SULF2: variants seen among roughly 807,000 people sequenced by gnomAD.
SULF2 encodes the protein extracellular sulfatase Sulf-2.
In SULF2, 52 loss-of-function variants were observed where a neutral mutation model predicts 107.7. The ratio of observed to expected loss-of-function variants is 0.48; its 90% CI spans 0.39 to 0.61. The LOEUF is 0.61. Ranked by LOEUF, SULF2 falls within the 20% of genes least tolerant of loss-of-function variation. SULF2 has a pLI of 0.00. For missense variants in SULF2, 993 were observed against 1,177.3 expected (o/e 0.84, Z 2.29); for synonymous variants, 460 against 464.3 (o/e 0.99, Z 0.12).
intron 11 of SULF2, among the ~76,000 whole-genome samples, chr20:47,667,798 A>T (rs1388000602): frequency 1.3e-5 from 2 of 152,180 alleles, no homozygotes; most frequent in Non-Finnish European, 1.5e-5. Context: ...GTGACCAAAG[A>T]GGACCAGCTG....
chr20:47,709,570 T>C (rs2088857707), intron 3 of SULF2, among the ~76,000 whole-genome samples: 1 of 152,158 alleles, frequency 6.6e-6, no homozygotes, highest in Non-Finnish European at 1.5e-5. Context: ...CCCCTGGTGA[T>C]CATGCACAAA....
intron 1 of SULF2, among the ~76,000 whole-genome samples, chr20:47,759,747 A>C (rs2146920075): frequency 6.6e-6 from 1 of 152,322 alleles, no homozygotes; most frequent in South Asian, 2.1e-4. Context: ...TCTTTCTGTC[A>C]AAAGAACAAA....
At chr20:47,730,356 T>G (rs1461124333) in intron 3 of SULF2, among the ~76,000 whole-genome samples, 1 of 152,206 alleles carries the variant, frequency 6.6e-6, no homozygotes, top group South Asian at 2.1e-4. Flanking sequence ...AACTGCCAGA[T>G]TCAGGTGTGG....
chr20:47,714,801 C>G (rs1202776409), intron 3 of SULF2, among the ~76,000 whole-genome samples: 1 of 152,236 alleles, frequency 6.6e-6, no homozygotes, highest in Non-Finnish European at 1.5e-5. Flanking sequence ...ACCAGCACCC[C>G]AACCCCAAAG....
At chr20:47,747,485 A>G (rs990139268) in intron 2 of SULF2, among the ~76,000 whole-genome samples, 5 of 152,132 alleles carry the variant, frequency 3.3e-5, no homozygotes, top group Admixed American at 6.5e-5. Context: ...GGGAAAGGGC[A>G]GGGCTTGGGT....
chr20:47,677,773 T>G, intron 8 of SULF2: 1 of 153,328 alleles, frequency 6.5e-6, no homozygotes, highest in Non-Finnish European at 1.5e-5. Context: ...CCAGGTGTCC[T>G]GGCTCCCAGG....
chr20:47,696,294 T>G (rs2088373025), intron 4 of SULF2, among the ~76,000 whole-genome samples: 1 of 152,210 alleles, frequency 6.6e-6, no homozygotes, highest in African/African-American at 2.4e-5. Flanking sequence ...TATGTCTAAA[T>G]GAGTGTTAGT....
chr20:47,659,270 T>TC (rs575703272), intron 20 of SULF2, 129 bp downstream of exon 20: 249 of 782,876 alleles, frequency 3.2e-4, no homozygotes, highest in Non-Finnish European at 4.5e-4. Flanking sequence ...CATTAGTACT[T>TC]CCCCCCCACC....
In SULF2 at chr20:47,678,759, C is replaced by T; in HGVS notation, c.1110G>A (p.Leu370=). Residue 370 remains leucine (L), a synonymous_variant, in exon 8 of 21, where the codon CTG becomes CTA. Transcript: ENST00000688720. The surrounding 1 kb of genome is among the most constrained non-coding windows in gnomAD (Gnocchi z 4.5). Reference sequence around the variant, plus strand: ...CAGGTATGTCCAGGCCTGCAATGTCCAGGATGGTGGGGGCCAGGTCAATGT... The same window carrying T: ...CAGGTATGTCCAGGCCTGCAATGTCTAGGATGGTGGGGGCCAGGTCAATGT... ...VLNIDLAPTI[L]DIAGLDIPAD... The T allele has an allele frequency of 6.2e-7, 1 of 1,613,982 alleles. No individual in the cohort carries two copies. The highest frequency in any genetic ancestry group is 1.7e-5 in the Admixed American group (1 of 60,020).
intron 20 of SULF2, 80 bp downstream of exon 20, chr20:47,659,319 T>C: frequency 7.9e-7 from 1 of 1,271,458 alleles, no homozygotes; most frequent in Non-Finnish European, 1.1e-6. Flanking sequence ...ATGTAAGAAA[T>C]GGCATGCAAA....
intron 3 of SULF2, among the ~76,000 whole-genome samples, chr20:47,713,757 A>AT (rs2089011866): frequency 1.7e-5 from 1 of 58,476 alleles, no homozygotes; most frequent in Admixed American, 1.6e-4. Flanking sequence ...CTCTGAAAAA[A>AT]AAAAAATAAT....
At chr20:47,744,693 G>A (rs374386613) in intron 2 of SULF2, among the ~76,000 whole-genome samples, 3 of 152,098 alleles carry the variant, frequency 2.0e-5, no homozygotes, top group Admixed American at 6.5e-5. Context: ...TATCCACTGT[G>A]GCCACTGTTG....
Position 47,785,380 on chromosome 20 carries a change from G to GCGC in SULF2, c.-141_-139dup, listed in dbSNP as rs1384233407. 6 of 145,302 alleles carry GCGC rather than the reference G, an allele frequency of 4.1e-5. No homozygotes were observed. Among genetic ancestry groups the GCGC allele is most frequent in the African/African-American group, 1.0e-4 (4 of 40,000 alleles). The allele number at this position is 145,302 out of a possible 1,614,324, so 9.0% of individuals were successfully genotyped here. On this transcript the variant is annotated 5_prime_UTR_variant, in exon 1 of 21. Transcript: ENST00000688720. ...CCCCGGCAACCTCACCCGGAGCGGG[G>GCGC]CGCCGCCGCCGCCTCTGCCGCAGCC...
intron 3 of SULF2, among the ~76,000 whole-genome samples, chr20:47,704,709 G>A (rs2088674030): frequency 6.6e-6 from 1 of 152,256 alleles, no homozygotes; most frequent in Admixed American, 6.5e-5. Flanking sequence ...TTTCTGACGA[G>A]TATTGCTGAG....
chr20:47,667,389 G>A (rs1824178749), intron 11 of SULF2, among the ~76,000 whole-genome samples: 1 of 152,210 alleles, frequency 6.6e-6, no homozygotes, highest in African/African-American at 2.4e-5. Flanking sequence ...ACTCAGGGGT[G>A]CAGGCTGAAG....
intron 17 of SULF2, among the ~76,000 whole-genome samples, chr20:47,662,816 G>GT (rs1258706529): frequency 2.6e-5 from 4 of 151,740 alleles, no homozygotes; most frequent in African/African-American, 9.7e-5. Flanking sequence ...CATGCTGCAT[G>GT]TTAAGTTAGA....
intron 3 of SULF2, among the ~76,000 whole-genome samples, chr20:47,725,510 C>G (rs945670039): frequency 6.6e-6 from 1 of 152,180 alleles, no homozygotes; most frequent in Non-Finnish European, 1.5e-5. Context: ...AATCCTTCAC[C>G]ATCACCGGCA....
chr20:47,692,342 G>C (rs1568822539), intron 4 of SULF2, among the ~76,000 whole-genome samples: 1 of 152,196 alleles, frequency 6.6e-6, no homozygotes, highest in East Asian at 1.9e-4. Flanking sequence ...CTGCAATATT[G>C]TTTATAAAAC....
At chr20:47,713,038 C>A (rs2088986475) in intron 3 of SULF2, among the ~76,000 whole-genome samples, 1 of 151,868 alleles carries the variant, frequency 6.6e-6, no homozygotes, top group Non-Finnish European at 1.5e-5. Flanking sequence ...CAGACCCTGT[C>A]TGGGGGGCAG....
Sources: allele counts gnomAD v4.1 joint callset (sites outside exome capture counted in the v4.1 genomes callset), GRCh38; gene constraint gnomAD v4.1.1; non-coding constraint Gnocchi (gnomAD v3.1); transcripts MANE v1.5; gene names NCBI Gene and HGNC (gene_info 2026-07-23, HGNC 2026-07-21).